FANCC: variants seen among roughly 807,000 people sequenced by gnomAD.
FANCC encodes the protein Fanconi anemia group C protein.
A neutral mutation model predicts 71.3 loss-of-function variants in FANCC; 55 were observed. That is an observed-to-expected ratio of 0.77 (90% CI 0.62 to 0.97). The LOEUF (loss-of-function observed/expected upper bound fraction) is 0.97, where lower values mean the gene tolerates loss of function less well. Ranked by LOEUF, FANCC falls within the 50% of genes least tolerant of loss-of-function variation. The pLI is 0.00. For synonymous variants in FANCC, 275 were observed against 244.9 expected (o/e 1.12, Z -1.15); for missense variants, 678 against 670.9 (o/e 1.01, Z -0.12).
Position 95,135,364 on chromosome 9 carries a change from A to G in FANCC, c.825T>C (p.Phe275=). 1 of 1,614,124 alleles carries G rather than the reference A, an allele frequency of 6.2e-7. No homozygotes were observed. Among genetic ancestry groups the G allele is most frequent in the Non-Finnish European group, 8.5e-7 (1 of 1,180,008 alleles). The stretch of plus-strand genomic sequence containing the variant: ...TACGTACCAGCGATGAATCTTTTAT[A>G]AAGCATTCGATCCTTCTCAGACAAT... ...ERNCLRRIEC[F]IKDSSLPQAA... Residue 275 remains phenylalanine, a synonymous_variant, in exon 8 of 15, where the codon TTT becomes TTC. Coordinates refer to ENST00000289081, the MANE Select transcript of FANCC (RefSeq NM_000136.3).
intron 8 of FANCC, chr9:95,127,216 T>G (rs1457721719): frequency 6.5e-6 from 1 of 153,012 alleles, no homozygotes; most frequent in African/African-American, 2.4e-5. Flanking sequence ...GAAGCTGGCC[T>G]CCGGTAGCCC....
chr9:95,124,774 G>A (rs1177926550), intron 10 of FANCC, among the ~76,000 whole-genome samples: 1 of 152,222 alleles, frequency 6.6e-6, no homozygotes, highest in Admixed American at 6.5e-5. Context: ...AGGGGGCAGT[G>A]TCCTGCTCGG....
At chr9:95,231,042 T>G (rs2135992765) in intron 4 of FANCC, among the ~76,000 whole-genome samples, 1 of 152,348 alleles carries the variant, frequency 6.6e-6, no homozygotes, top group East Asian at 1.9e-4. Flanking sequence ...CCACTTGACC[T>G]AGGAAGTCCA....
intron 1 of FANCC, among the ~76,000 whole-genome samples, chr9:95,251,637 T>C (rs1347875341): frequency 3.3e-5 from 5 of 152,130 alleles, no homozygotes; most frequent in Non-Finnish European, 7.4e-5. Context: ...TTTTAAAAGG[T>C]AATTCCCCAC....
At chr9:95,237,994 T>C (rs771226664) in intron 4 of FANCC, among the ~76,000 whole-genome samples, 4 of 152,254 alleles carry the variant, frequency 2.6e-5, no homozygotes, top group Non-Finnish European at 5.9e-5. Flanking sequence ...CCATTATCTA[T>C]GCAGCATGTA....
chr9:95,212,894 T>C (rs1281979138), intron 4 of FANCC, among the ~76,000 whole-genome samples: 1 of 152,178 alleles, frequency 6.6e-6, no homozygotes, highest in East Asian at 1.9e-4. Flanking sequence ...AAGTAATATT[T>C]GTAGTCATGT....
chr9:95,139,212 A>G (rs1828192540), intron 7 of FANCC, among the ~76,000 whole-genome samples: 2 of 152,212 alleles, frequency 1.3e-5, no homozygotes, highest in Non-Finnish European at 2.9e-5. Flanking sequence ...CCATCTAATT[A>G]ACAGTAAAGG....
chr9:95,126,946 G>A, intron 8 of FANCC: 2 of 291,384 alleles, frequency 6.9e-6, no homozygotes, highest in Non-Finnish European at 1.3e-5. Flanking sequence ...AAGTGTGCCT[G>A]TGTGACCTCC....
chr9:95,145,033 G>C (rs115695790), intron 7 of FANCC, among the ~76,000 whole-genome samples: 59 of 152,144 alleles, frequency 3.9e-4, no homozygotes, highest in African/African-American at 1.3e-3. Context: ...ACCATTTTTC[G>C]AATCAAGTGA....
At chr9:95,166,372 T>C (rs117773744) in intron 6 of FANCC, among the ~76,000 whole-genome samples, 3,424 of 152,184 alleles carry the variant, frequency 0.022, 57 homozygotes, top group Middle Eastern at 0.041. Context: ...TCATTTTCCA[T>C]TGTACATCTC....
chr9:95,274,228 T>C (rs1439184169), intron 1 of FANCC, among the ~76,000 whole-genome samples: 1 of 152,086 alleles, frequency 6.6e-6, no homozygotes, highest in African/African-American at 2.4e-5. Context: ...CCTGTGTCCA[T>C]GTGTTCTCAC....
At chr9:95,115,751 C>T (rs562720436) in intron 11 of FANCC, among the ~76,000 whole-genome samples, 10 of 152,330 alleles carry the variant, frequency 6.6e-5, no homozygotes, top group African/African-American at 2.4e-4. Flanking sequence ...CTCTGAACTC[C>T]CGCGGCCCTT....
chr9:95,294,594 T>C, intron 1 of FANCC: 1 of 1,547,914 alleles, frequency 6.5e-7, no homozygotes, highest in Non-Finnish European at 8.9e-7. Flanking sequence ...AAGATATACC[T>C]GCTCTAGAAA....
intron 1 of FANCC, among the ~76,000 whole-genome samples, chr9:95,266,285 A>C (rs949620773): frequency 3.9e-5 from 6 of 152,246 alleles, no homozygotes; most frequent in Admixed American, 6.5e-5. Context: ...ACAAATCTAC[A>C]AAATGAGTAA....
At position 95,101,591 on chromosome 9, in the gene FANCC, T is replaced by G. The variant is rs7048910; in HGVS notation, c.*116A>C. On this transcript the variant is annotated 3_prime_UTR_variant, in exon 15 of 15. Coordinates refer to ENST00000289081, the MANE Select transcript of FANCC (RefSeq NM_000136.3). ...GTCCCAAGATGTGTACAGCTCATTC[T>G]CACAGCCCAGCGAGGGCACTTACTC... 6.5e-3 allele frequency: 8,403 copies of G among 1,285,878 alleles called. 453 individuals are homozygous for G. The African/African-American group carries it at 0.11, about 17-fold the overall frequency. 79.7% of individuals were successfully genotyped at this position (1,285,878 alleles called of 1,614,324 possible). A position where few individuals can be genotyped will look rare whatever the true frequency, so the allele number is the denominator to read the frequency against.
rs34461769 is a variant in FANCC at position 95,263,533 on chromosome 9, TATAG to T, written c.-78-14168_-78-14165del. On this transcript the variant is annotated intron_variant, in intron 1 of 14. Coordinates refer to ENST00000289081, the MANE Select transcript of FANCC (RefSeq NM_000136.3). ...ATATATATATCTATATATATATAGA[TATAG>T]ATAGATAGATAGATAGATAGATATT... 8.0e-3 allele frequency among the ~76,000 whole-genome samples: 1,179 copies of T among 147,274 alleles called. 11 individuals are homozygous for T. Among genetic ancestry groups the T allele is most frequent in the East Asian group, 0.046 (234 of 5,076 alleles).
At chr9:95,162,042 G>A (rs191229378) in intron 6 of FANCC, among the ~76,000 whole-genome samples, 194 of 152,076 alleles carry the variant, frequency 1.3e-3, no homozygotes, top group Middle Eastern at 6.8e-3. Flanking sequence ...GAGTTTCGCC[G>A]TGTTGGCCAG....
chr9:95,266,410 A>G (rs1201500018), intron 1 of FANCC, among the ~76,000 whole-genome samples: 1 of 152,206 alleles, frequency 6.6e-6, no homozygotes, highest in Non-Finnish European at 1.5e-5. Flanking sequence ...ACTGGCCAAT[A>G]CTAACACATG....
rs372025586 is a variant in FANCC at position 95,099,740 on chromosome 9, G to A, written c.*1967C>T. ...CCCAGAAAGCACCACCGGCAAGGCC[G>A]CCTCCACCGCACCCGTGAGAGGACT... On this transcript the variant is annotated 3_prime_UTR_variant, in exon 15 of 15. Transcript: ENST00000289081. 2.6e-5 allele frequency: 6 copies of A among 232,306 alleles called. No homozygotes were observed. Among genetic ancestry groups the A allele is most frequent in the African/African-American group, 1.1e-4 (5 of 45,406 alleles). 14.4% of individuals were successfully genotyped at this position (232,306 alleles called of 1,614,324 possible). A position where few individuals can be genotyped will look rare whatever the true frequency, so the allele number is the denominator to read the frequency against.
Sources: allele counts gnomAD v4.1 joint callset (sites outside exome capture counted in the v4.1 genomes callset), GRCh38; gene constraint gnomAD v4.1.1; transcripts MANE v1.5; gene names NCBI Gene and HGNC (gene_info 2026-07-23, HGNC 2026-07-21).